Variants in ROBO1 observed in about 807,000 individuals in gnomAD.
ROBO1 encodes the protein roundabout guidance receptor 1.
A neutral mutation model predicts 195.9 loss-of-function variants in ROBO1; 149 were observed. That is an observed-to-expected ratio of 0.76 (90% CI 0.67 to 0.87). The LOEUF is 0.87. ROBO1 is among the 40% of genes least tolerant of loss of function. The pLI is 0.00. For synonymous variants in ROBO1, 816 were observed against 733.2 expected (o/e 1.11, Z -1.82); for missense variants, 1,933 against 2,068.3 (o/e 0.93, Z 1.27).
intron 2 of ROBO1, among the ~76,000 whole-genome samples, chr3:79,227,329 C>T (rs1016430909): frequency 2.0e-5 from 3 of 152,146 alleles, no homozygotes; most frequent in African/African-American, 7.2e-5. Flanking sequence ...GCTCTACGGT[C>T]TTCCTAGGCA....
At chr3:79,270,675 G>GA (rs538557188) in intron 2 of ROBO1, among the ~76,000 whole-genome samples, 224 of 150,330 alleles carry the variant, frequency 1.5e-3, no homozygotes, top group Non-Finnish European at 2.4e-3. Context: ...CAGGTAAAGA[G>GA]AAAAAAAAAT....
intron 4 of ROBO1, among the ~76,000 whole-genome samples, chr3:78,874,382 A>G (rs552448109): frequency 1.3e-5 from 2 of 151,996 alleles, no homozygotes; most frequent in South Asian, 4.1e-4. Flanking sequence ...TAACTTTTTA[A>G]AAGCCAACTT....
chr3:78,696,604 A>G (rs1161742882), intron 8 of ROBO1, among the ~76,000 whole-genome samples: 3 of 150,468 alleles, frequency 2.0e-5, no homozygotes, highest in Non-Finnish European at 4.4e-5. Context: ...GTTTAACCTA[A>G]AATCATTACT....
At chr3:78,647,436 T>A (rs1285119949) in intron 20 of ROBO1, among the ~76,000 whole-genome samples, 193 bp downstream of exon 20, 1 of 151,928 alleles carries the variant, frequency 6.6e-6, no homozygotes, top group Non-Finnish European at 1.5e-5. Flanking sequence ...AATAATTGCA[T>A]CGAATGGATG....
At chr3:79,510,707 A>G (rs1166609163) in intron 2 of ROBO1, among the ~76,000 whole-genome samples, 1 of 152,110 alleles carries the variant, frequency 6.6e-6, no homozygotes, top group East Asian at 1.9e-4. Flanking sequence ...AAGGTATGAA[A>G]TGTCTATGCG....
chr3:79,587,029 G>A (rs973022562), intron 2 of ROBO1, among the ~76,000 whole-genome samples: 7 of 151,822 alleles, frequency 4.6e-5, no homozygotes, highest in Non-Finnish European at 7.4e-5. Flanking sequence ...GGCTGGCAAA[G>A]CCCAGTTATT....
At chr3:78,980,392 A>G (rs764056343) in intron 3 of ROBO1, among the ~76,000 whole-genome samples, 4 of 152,198 alleles carry the variant, frequency 2.6e-5, no homozygotes, top group Non-Finnish European at 5.9e-5. Flanking sequence ...CATTATGAAA[A>G]CTTCAAGAGG....
chr3:79,570,759 A>G (rs909480006), intron 2 of ROBO1, among the ~76,000 whole-genome samples: 2 of 152,266 alleles, frequency 1.3e-5, no homozygotes, highest in African/African-American at 4.8e-5. Context: ...TAACTTAGTC[A>G]TTTAAAAAGT....
intron 3 of ROBO1, among the ~76,000 whole-genome samples, chr3:79,097,231 C>A (rs1010668740): frequency 1.3e-5 from 2 of 151,740 alleles, no homozygotes; most frequent in Non-Finnish European, 2.9e-5. Flanking sequence ...GTGAAGCAAA[C>A]TTTCAAGTAG....
chr3:79,677,779 A>AT (rs1166971167), intron 1 of ROBO1, among the ~76,000 whole-genome samples: 20 of 152,100 alleles, frequency 1.3e-4, no homozygotes, highest in African/African-American at 4.6e-4. Flanking sequence ...TTGCCAACAA[A>AT]TTGTGTGATC....
intron 29 of ROBO1, among the ~76,000 whole-genome samples, chr3:78,605,100 C>G (rs1324016589): frequency 6.6e-6 from 1 of 152,182 alleles, no homozygotes; most frequent in East Asian, 1.9e-4. Context: ...GGCTTTTATT[C>G]TAACCCACAA....
chr3:78,638,302 T>C (rs1048693106), intron 22 of ROBO1, among the ~76,000 whole-genome samples: 3 of 148,692 alleles, frequency 2.0e-5, no homozygotes, highest in African/African-American at 7.5e-5. Context: ...TGTATATACA[T>C]ACATATATGT....
chr3:79,431,908 C>T (rs905279537), intron 2 of ROBO1, among the ~76,000 whole-genome samples: 3 of 151,948 alleles, frequency 2.0e-5, no homozygotes, highest in African/African-American at 7.2e-5. Context: ...TTCTAGCCTG[C>T]ACTGCTTGGG....
intron 1 of ROBO1, among the ~76,000 whole-genome samples, chr3:79,672,213 TC>T (rs749979998): frequency 3.3e-5 from 5 of 151,964 alleles, no homozygotes; most frequent in Non-Finnish European, 7.4e-5. Context: ...AGGCCAAATT[TC>T]TGAATGAATT....
intron 8 of ROBO1, among the ~76,000 whole-genome samples, chr3:78,713,340 A>G (rs1369777295): frequency 6.6e-6 from 1 of 152,162 alleles, no homozygotes; most frequent in African/African-American, 2.4e-5. Flanking sequence ...ATGCTCCCTC[A>G]AAAGCCACCT....
At chr3:78,624,030 A>G (rs532937155) in intron 26 of ROBO1, among the ~76,000 whole-genome samples, 17 of 152,206 alleles carry the variant, frequency 1.1e-4, no homozygotes, top group Non-Finnish European at 2.4e-4. Context: ...AGGTAGATAC[A>G]ATTAAAATGG....
At chr3:79,613,678 G>A (rs1944733331) in intron 1 of ROBO1, among the ~76,000 whole-genome samples, 1 of 151,962 alleles carries the variant, frequency 6.6e-6, no homozygotes, top group South Asian at 2.1e-4. Context: ...TTGTAATACT[G>A]GCCAACTGTT....
chr3:79,167,262 TG>T (rs1301154236), intron 2 of ROBO1, among the ~76,000 whole-genome samples: 2 of 152,092 alleles, frequency 1.3e-5, no homozygotes, highest in African/African-American at 4.8e-5. Context: ...AAAATTTTTG[TG>T]TTTTTTTGTT....
At chr3:79,525,551 T>TATAA (rs1398270397) in intron 2 of ROBO1, among the ~76,000 whole-genome samples, 4 of 147,334 alleles carry the variant, frequency 2.7e-5, no homozygotes, top group African/African-American at 9.8e-5. Flanking sequence ...TATATATATA[T>TATAA]ATATAAATAT....
Sources: allele counts gnomAD v4.1 joint callset (sites outside exome capture counted in the v4.1 genomes callset), GRCh38; gene constraint gnomAD v4.1.1; transcripts MANE v1.5; gene names NCBI Gene and HGNC (gene_info 2026-07-23, HGNC 2026-07-21).